PKNOX2: variants seen among roughly 807,000 people sequenced by gnomAD.
The protein encoded by PKNOX2 is homeobox protein PKNOX2.
PKNOX2 carries 14 observed loss-of-function variants against 53.1 expected under a neutral mutation model. That is an observed-to-expected ratio of 0.26 (90% CI 0.17 to 0.41). The LOEUF is 0.41. Ranked by LOEUF, PKNOX2 falls within the 10% of genes least tolerant of loss-of-function variation. PKNOX2 has a pLI of 1.00. For synonymous variants in PKNOX2, 257 were observed against 242.8 expected (o/e 1.06, Z -0.54); for missense variants, 496 against 602.8 (o/e 0.82, Z 1.85).
intron 6 of PKNOX2, among the ~76,000 whole-genome samples, chr11:125,386,098 G>T (rs1953611294): frequency 6.6e-6 from 1 of 152,166 alleles, no homozygotes; most frequent in Admixed American, 6.5e-5. Flanking sequence ...GTCCAGAGAG[G>T]AGCTAATAGT....
chr11:125,189,441 GTGTGTGTATATATATATATATA>G (rs1441036184), intron 1 of PKNOX2, among the ~76,000 whole-genome samples: 5 of 57,960 alleles, frequency 8.6e-5, no homozygotes, highest in Admixed American at 1.9e-4. Flanking sequence ...GTGTGTGTGT[GTGTGTGTATATATATATATATA>G]TATATATATA....
At position 125,165,798 on chromosome 11, in the gene PKNOX2, G is replaced by C. The variant is rs1171302814; in HGVS notation, c.-201+1022G>C. On this transcript the variant is annotated intron_variant, in intron 1 of 12. Coordinates refer to ENST00000298282, the MANE Select transcript of PKNOX2 (RefSeq NM_001382323.2). This position sits in a 1 kb window ranked among gnomAD's most constrained non-coding sequence, Gnocchi z 4.5. ...AGAACTAGGGGATGAGTTCGTAAAAGAGGGAACTGAAAGCGATCGAGAGCG... is the reference window on the plus strand; with the variant it reads ...AGAACTAGGGGATGAGTTCGTAAAACAGGGAACTGAAAGCGATCGAGAGCG... Among the ~76,000 whole-genome samples, 3 of 152,230 alleles carry C rather than the reference G, an allele frequency of 2.0e-5. No individual in the cohort carries two copies. Among genetic ancestry groups the C allele is most frequent in the Non-Finnish European group, 4.4e-5 (3 of 68,038 alleles).
chr11:125,378,689 C>T (rs957399203), intron 5 of PKNOX2, among the ~76,000 whole-genome samples: 3 of 152,306 alleles, frequency 2.0e-5, no homozygotes, highest in Admixed American at 6.5e-5. Flanking sequence ...GCCAAGGTCA[C>T]AAGGGAAGGG....
chr11:125,176,983 CCTGGT>C (rs1955759343), intron 1 of PKNOX2, among the ~76,000 whole-genome samples: 1 of 152,208 alleles, frequency 6.6e-6, no homozygotes, highest in Non-Finnish European at 1.5e-5. Flanking sequence ...CAGTTAGGGT[CCTGGT>C]GATAACCTTG....
At chr11:125,361,676 A>G (rs893436936) in intron 4 of PKNOX2, among the ~76,000 whole-genome samples, 1 of 152,166 alleles carries the variant, frequency 6.6e-6, no homozygotes, top group African/African-American at 2.4e-5. Flanking sequence ...CTCATCATTT[A>G]CATTACGTAT....
At chr11:125,316,692 A>G (rs907486367) in intron 2 of PKNOX2, among the ~76,000 whole-genome samples, 4 of 152,252 alleles carry the variant, frequency 2.6e-5, no homozygotes, top group African/African-American at 9.6e-5. Context: ...AAAATACTTT[A>G]TTGCTTAAAA....
intron 5 of PKNOX2, among the ~76,000 whole-genome samples, chr11:125,376,009 C>G (rs1267269873): frequency 6.6e-6 from 1 of 152,202 alleles, no homozygotes; most frequent in Non-Finnish European, 1.5e-5. Context: ...ATGTATCAGG[C>G]TCTTTGTATT....
chr11:125,196,714 G>A (rs1427227921), intron 1 of PKNOX2, among the ~76,000 whole-genome samples: 1 of 152,134 alleles, frequency 6.6e-6, no homozygotes, highest in Non-Finnish European at 1.5e-5. Context: ...TAGAACAAAG[G>A]CATTGGACTC....
chr11:125,400,109 C>T (rs543367484), intron 7 of PKNOX2, among the ~76,000 whole-genome samples: 4 of 152,132 alleles, frequency 2.6e-5, no homozygotes, highest in East Asian at 1.9e-4. Flanking sequence ...GGGGTACCCA[C>T]GGCAGAAAGG....
chr11:125,167,331 G>C (rs1954962162), intron 1 of PKNOX2, among the ~76,000 whole-genome samples: 1 of 152,198 alleles, frequency 6.6e-6, no homozygotes. Context: ...CACGGAAGAC[G>C]CACGACCCAC....
At chr11:125,398,808 G>A (rs1200630677) in intron 7 of PKNOX2, among the ~76,000 whole-genome samples, 5 of 152,190 alleles carry the variant, frequency 3.3e-5, no homozygotes, top group Non-Finnish European at 5.9e-5. Flanking sequence ...TAAGCCACAG[G>A]CTTGAGACTT....
chr11:125,271,454 C>G (rs1945783736), intron 2 of PKNOX2, among the ~76,000 whole-genome samples: 2 of 152,184 alleles, frequency 1.3e-5, no homozygotes, highest in African/African-American at 4.8e-5. Flanking sequence ...ATAATTTGCA[C>G]CGGGGTTTCT....
chr11:125,180,403 A>G (rs1442081429), intron 1 of PKNOX2, among the ~76,000 whole-genome samples: 1 of 152,138 alleles, frequency 6.6e-6, no homozygotes, highest in East Asian at 1.9e-4. Context: ...GAATGGGGAG[A>G]GCTGTTTGTT....
At chr11:125,268,842 G>T (rs1945555624) in intron 2 of PKNOX2, among the ~76,000 whole-genome samples, 1 of 152,170 alleles carries the variant, frequency 6.6e-6, no homozygotes, top group East Asian at 1.9e-4. Context: ...TTTCTGGGGT[G>T]GGGGCTGAGG....
chr11:125,173,527 C>G (rs1955476864), intron 1 of PKNOX2, among the ~76,000 whole-genome samples: 1 of 152,222 alleles, frequency 6.6e-6, no homozygotes, highest in Admixed American at 6.5e-5. Context: ...ATAAAAGAAC[C>G]AGCTAAACTC....
At chr11:125,236,713 G>C (rs1360299824) in intron 2 of PKNOX2, among the ~76,000 whole-genome samples, 1 of 152,176 alleles carries the variant, frequency 6.6e-6, no homozygotes, top group Non-Finnish European at 1.5e-5. Flanking sequence ...TGACCTTTCA[G>C]GGAGTGTTTA....
chr11:125,414,649 G>A (rs538088447), intron 10 of PKNOX2, among the ~76,000 whole-genome samples: 13 of 152,022 alleles, frequency 8.6e-5, no homozygotes, highest in Non-Finnish European at 1.6e-4. Context: ...TCATAACTAG[G>A]CACGGTAGAA....
intron 1 of PKNOX2, among the ~76,000 whole-genome samples, chr11:125,224,700 G>A (rs886204069): frequency 2.0e-5 from 3 of 152,288 alleles, no homozygotes; most frequent in South Asian, 2.1e-4. Context: ...CACCAGCCGC[G>A]GCTGCCTTCT....
chr11:125,211,929 T>C (rs1277928499), intron 1 of PKNOX2, among the ~76,000 whole-genome samples: 1 of 152,112 alleles, frequency 6.6e-6, no homozygotes, highest in African/African-American at 2.4e-5. Context: ...CAAGTCACGA[T>C]GTATTTGGTT....
Sources: gnomAD v4.1 joint callset for allele counts (sites outside exome capture counted in the v4.1 genomes callset) on GRCh38, gnomAD v4.1.1 for gene constraint, Gnocchi (gnomAD v3.1) non-coding constraint, MANE v1.5 for transcripts, NCBI Gene and HGNC (gene_info 2026-07-23, HGNC 2026-07-21) for gene names.